The following TOPAZ1 variants were observed in gnomAD, a reference collection of about 807,000 sequenced individuals.
TOPAZ1 encodes the protein testis and ovary specific TOPAZ 1, also known as protein TOPAZ1.
A neutral mutation model predicts 172.2 loss-of-function variants in TOPAZ1; 66 were observed. That is an observed-to-expected ratio of 0.38 (90% CI 0.31 to 0.47). The LOEUF (loss-of-function observed/expected upper bound fraction) is 0.47. TOPAZ1 is among the 20% of genes least tolerant of loss of function. TOPAZ1 has a pLI of 0.99. For missense variants in TOPAZ1, 1,822 were observed against 1,972.4 expected, an observed-to-expected ratio of 0.92 and a Z score of 1.44; for synonymous variants, 681 against 683.9, an observed-to-expected ratio of 1.00 and a Z score of 0.07.
Position 44,245,760 on chromosome 3 carries a change from T to G in TOPAZ1, c.2765+489T>G, listed in dbSNP as rs1699557788. Among the ~76,000 whole-genome samples, 4 of 152,182 alleles carry G rather than the reference T, an allele frequency of 2.6e-5. No homozygotes were observed. The South Asian group carries it at 6.2e-4, about 24-fold the overall frequency. On this transcript the variant is annotated intron_variant, in intron 2 of 19. Transcript: ENST00000309765. ...TTCACTGTGTTAGCCAGGATGGTCT[T>G]GATCTCCTGACCTCGTGATCCACCC...
chr3:44,248,029 G>T (rs1483951193), intron 2 of TOPAZ1, among the ~76,000 whole-genome samples: 1 of 152,198 alleles, frequency 6.6e-6, no homozygotes, highest in African/African-American at 2.4e-5. Flanking sequence ...CACGATTACT[G>T]TGTTCCCTAA....
intron 6 of TOPAZ1, 82 bp downstream of exon 6, chr3:44,267,218 C>A: frequency 2.6e-5 from 30 of 1,155,934 alleles, no homozygotes; most frequent in South Asian, 8.3e-5. Context: ...AAACAAAAAA[C>A]GATTAAAAAA....
Position 44,304,000 on chromosome 3 carries a change from T to C in TOPAZ1, c.3798-15T>C, listed in dbSNP as rs1173936366. 6.7e-7 allele frequency: 1 copy of C among 1,491,176 alleles called. No homozygotes were observed. The highest frequency in any genetic ancestry group is 2.0e-5 in the Admixed American group (1 of 49,270). 92.4% of individuals were successfully genotyped at this position (1,491,176 alleles called of 1,614,324 possible). A position where few individuals can be genotyped will look rare whatever the true frequency, so the allele number is the denominator to read the frequency against. On this transcript the variant is annotated splice_polypyrimidine_tract_variant and intron_variant, in intron 12 of 19. Transcript: ENST00000309765. ...GGGTGAATATAGTATAATTAACTCTTTTCTTTTGTTAAAGGTTACAGATGA... is the reference window on the plus strand; with the variant it reads ...GGGTGAATATAGTATAATTAACTCTCTTCTTTTGTTAAAGGTTACAGATGA...
chr3:44,270,787 G>T lies in TOPAZ1; in HGVS notation c.3349G>T (p.Val1117Leu), dbSNP rs1699887067. Residue 1117 changes from valine (V) to leucine (L), a missense_variant, in exon 8 of 20, where the codon GTG becomes TTG. By Grantham distance (32) the Val-to-Leu change is conservative. Around this residue, in one of 2 missense-constraint regions of TOPAZ1, gnomAD observed 1,489 missense variants for 1,490.8 expected, o/e 1.00. Transcript: ENST00000309765. Reference sequence around the variant, plus strand: ...GCGACCACTGTGCAAGTTTGCTCATGTGCCTGAACAAGGGGATGAAAAGGT... The same window carrying T: ...GCGACCACTGTGCAAGTTTGCTCATTTGCCTGAACAAGGGGATGAAAAGGT... The part of the protein sequence containing the change: ...CERPLCKFAH[V>L]PEQGDEKVCM... 6.5e-7 allele frequency: 1 copy of T among 1,548,620 alleles called. No homozygotes were observed. Among genetic ancestry groups the T allele is most frequent in the Non-Finnish European group, 8.7e-7 (1 of 1,145,640 alleles).
chr3:44,317,826 T>C (rs1268826490), intron 16 of TOPAZ1, among the ~76,000 whole-genome samples: 1 of 152,236 alleles, frequency 6.6e-6, no homozygotes, highest in Non-Finnish European at 1.5e-5. Flanking sequence ...TTAATTCTCA[T>C]GAGTTCTCAT....
At chr3:44,262,657 A>G (rs1186110910) in intron 5 of TOPAZ1, among the ~76,000 whole-genome samples, 174 bp downstream of exon 5, 1 of 152,188 alleles carries the variant, frequency 6.6e-6, no homozygotes, top group Non-Finnish European at 1.5e-5. Context: ...GGTATTGTAA[A>G]TTACCTTAAA....
chr3:44,245,406 A>G, intron 2 of TOPAZ1, 135 bp downstream of exon 2: 4 of 839,146 alleles, frequency 4.8e-6, no homozygotes, highest in Non-Finnish European at 6.8e-6. Flanking sequence ...AATGTTATAT[A>G]CCATTATTAC....
chr3:44,267,066 G>A lies in TOPAZ1; in HGVS notation c.3090G>A (p.Leu1030=), dbSNP rs1407569682. The A allele has an allele frequency of 6.5e-7, 1 of 1,549,614 alleles. No homozygotes were observed. Among genetic ancestry groups the A allele is most frequent in the African/African-American group, 1.4e-5 (1 of 72,952 alleles). Residue 1030 remains leucine, a synonymous_variant, in exon 6 of 20, where the codon CTG becomes CTA. Transcript: ENST00000309765. ...TTGCAGTACCAGTCCCGAAACCTCTGTGTTTATTAGTACCTCCTTTGAATC... is the reference window on the plus strand; with the variant it reads ...TTGCAGTACCAGTCCCGAAACCTCTATGTTTATTAGTACCTCCTTTGAATC... ...CQFAVPVPKP[L]CLLVPPLNLS... is the part of the protein sequence containing the mutation.
intron 9 of TOPAZ1, among the ~76,000 whole-genome samples, chr3:44,283,338 A>C (rs998512324): frequency 6.6e-6 from 1 of 152,176 alleles, no homozygotes; most frequent in Non-Finnish European, 1.5e-5. Context: ...GTTTAGAAAG[A>C]CCATAGGATT....
intron 18 of TOPAZ1, among the ~76,000 whole-genome samples, chr3:44,326,509 TG>T (rs1700602526): frequency 6.6e-6 from 1 of 152,200 alleles, no homozygotes; most frequent in Non-Finnish European, 1.5e-5. Context: ...TTTTTTTGGT[TG>T]TAAGAGTATT....
intron 12 of TOPAZ1, among the ~76,000 whole-genome samples, chr3:44,294,390 G>C (rs1700171806): frequency 6.6e-6 from 1 of 152,188 alleles, no homozygotes; most frequent in Non-Finnish European, 1.5e-5. Context: ...GATCATAACT[G>C]AGCATGTGAA....
At chr3:44,289,239 A>G (rs1700109695) in intron 11 of TOPAZ1, among the ~76,000 whole-genome samples, 1 of 152,220 alleles carries the variant, frequency 6.6e-6, no homozygotes, top group Non-Finnish European at 1.5e-5. Context: ...GAATACAGTT[A>G]GACCACCAGT....
chr3:44,273,077 A>G (rs1383720192), intron 8 of TOPAZ1, among the ~76,000 whole-genome samples: 4 of 152,226 alleles, frequency 2.6e-5, no homozygotes, highest in African/African-American at 9.6e-5. Context: ...ACACCTAGCT[A>G]TAGCCATTCA....
At chr3:44,250,677 A>G (rs1366160113) in intron 2 of TOPAZ1, among the ~76,000 whole-genome samples, 1 of 152,072 alleles carries the variant, frequency 6.6e-6, no homozygotes, top group African/African-American at 2.4e-5. Flanking sequence ...GGTTCTTCCT[A>G]TATATTTAAT....
rs1442885920 is a variant in TOPAZ1 at position 44,243,198 on chromosome 3, G to C, written c.692G>C (p.Cys231Ser). ...NSVLKLRDCN[C>S]FPHSKGCNDE... is the part of the protein sequence containing the mutation. ...GTTTTAAAATTACGTGATTGCAATT[G>C]TTTCCCCCATTCCAAGGGTTGTAAT... The change falls in exon 2 of 20, where the codon TGT (cysteine) becomes TCT (serine). Residue 231 changes from cysteine to serine, a missense_variant. Physicochemically the swap from Cys to Ser is moderately radical, Grantham distance 112. Transcript: ENST00000309765. 1 of 1,549,012 alleles carries C rather than the reference G, an allele frequency of 6.5e-7. No homozygotes were observed. The highest frequency in any genetic ancestry group is 2.0e-5 in the Admixed American group (1 of 50,582).
intron 16 of TOPAZ1, among the ~76,000 whole-genome samples, chr3:44,312,798 T>TA (rs1700410160): frequency 1.3e-5 from 2 of 152,306 alleles, no homozygotes; most frequent in South Asian, 4.1e-4. Flanking sequence ...TCAAATTTTG[T>TA]AAAAAAGTTA....
intron 2 of TOPAZ1, among the ~76,000 whole-genome samples, chr3:44,247,645 C>G (rs1023603292): frequency 6.6e-6 from 1 of 152,064 alleles, no homozygotes; most frequent in Non-Finnish European, 1.5e-5. Context: ...TTCCTCTAAT[C>G]TTGACTATTT....
chr3:44,247,470 C>T (rs1278925321), intron 2 of TOPAZ1, among the ~76,000 whole-genome samples: 1 of 152,154 alleles, frequency 6.6e-6, no homozygotes, highest in Non-Finnish European at 1.5e-5. Flanking sequence ...TATTTCTACA[C>T]ACTTTTTCTC....
At chr3:44,315,200 CGTGTGTGTGT>C (rs71089096) in intron 16 of TOPAZ1, among the ~76,000 whole-genome samples, 14 of 150,096 alleles carry the variant, frequency 9.3e-5, no homozygotes, top group Non-Finnish European at 1.6e-4. Flanking sequence ...TTTGAAAGAA[CGTGTGTGTGT>C]GTGTGTGTGT....
Sources: allele counts gnomAD v4.1 joint callset (sites outside exome capture counted in the v4.1 genomes callset), GRCh38; gene constraint gnomAD v4.1.1; regional missense constraint gnomAD v4.1.1; transcripts MANE v1.5; gene names NCBI Gene and HGNC (gene_info 2026-07-23, HGNC 2026-07-21).